The following COX10 variants were observed in gnomAD, a reference collection of about 807,000 sequenced individuals.
COX10 encodes the protein protoheme IX farnesyltransferase, mitochondrial.
In COX10, 27 loss-of-function variants were observed where a neutral mutation model predicts 37.3. The observed-to-expected ratio is 0.72, with a 90% CI of 0.53 to 1.00. The LOEUF is 1.00. COX10 is among the 50% of genes least tolerant of loss of function. The probability of loss-of-function intolerance (pLI) is 0.00; values close to 1 mark genes in which losing one functional copy is unlikely to be tolerated. For missense variants in COX10, 475 were observed against 563.2 expected, an observed-to-expected ratio of 0.84 and a Z score of 1.59; for synonymous variants, 222 against 229.1, an observed-to-expected ratio of 0.97 and a Z score of 0.28.
chr17:14,187,231 T>C (rs1297112188), intron 5 of COX10, among the ~76,000 whole-genome samples: 4 of 151,924 alleles, frequency 2.6e-5, no homozygotes, highest in African/African-American at 9.7e-5. Context: ...CATCTAGGAA[T>C]TTATCTTCGG....
chr17:14,077,784 A>C (rs1231042279), intron 3 of COX10, among the ~76,000 whole-genome samples: 1 of 152,218 alleles, frequency 6.6e-6, no homozygotes, highest in African/African-American at 2.4e-5. Context: ...ATGAGAATAA[A>C]GAGACTGAAT....
chr17:14,194,988 A>G (rs1352527328), intron 6 of COX10, among the ~76,000 whole-genome samples: 3 of 152,230 alleles, frequency 2.0e-5, no homozygotes, highest in Non-Finnish European at 2.9e-5. Flanking sequence ...ATTACAGTGT[A>G]TCCTTTTACT....
intron 3 of COX10, among the ~76,000 whole-genome samples, chr17:14,080,857 G>A (rs552752468): frequency 7.9e-5 from 12 of 151,048 alleles, no homozygotes; most frequent in African/African-American, 2.9e-4. Flanking sequence ...GGAGATTTTT[G>A]ACTTTTATGT....
At chr17:14,135,990 A>G (rs1444607999) in intron 4 of COX10, among the ~76,000 whole-genome samples, 2 of 151,986 alleles carry the variant, frequency 1.3e-5, no homozygotes, top group Non-Finnish European at 2.9e-5. Context: ...TGACAAAAGA[A>G]ATTAAAAATA....
At chr17:14,179,922 A>G (rs1436240726) in intron 5 of COX10, among the ~76,000 whole-genome samples, 2 of 152,186 alleles carry the variant, frequency 1.3e-5, no homozygotes, top group Admixed American at 6.5e-5. Flanking sequence ...GGGTCAGTCA[A>G]TACCTGGTTT....
chr17:14,089,443 A>G (rs1226865692), intron 3 of COX10, among the ~76,000 whole-genome samples: 1 of 152,194 alleles, frequency 6.6e-6, no homozygotes, highest in East Asian at 1.9e-4. Context: ...GGGTTGGGTT[A>G]TATGTAGTCA....
Position 14,207,143 on chromosome 17 carries a change from T to A in COX10, c.1262T>A (p.Leu421Gln), listed in dbSNP as rs149968861. The A allele has an allele frequency of 6.2e-7, 1 of 1,612,244 alleles. No homozygotes were observed. ...LFFCSLWHLP[L>Q]LLLLMLTCKR... ...TTCTGCAGCCTGTGGCACCTGCCGCTGCTGCTGCTGCTCATGCTCACCTGC... is the reference window on the plus strand; with the variant it reads ...TTCTGCAGCCTGTGGCACCTGCCGCAGCTGCTGCTGCTCATGCTCACCTGC... Residue 421 changes from leucine (L) to glutamine (Q), a missense_variant, in exon 7 of 7, where the codon CTG becomes CAG. Leu to Gln is a moderately radical substitution (Grantham distance 113, BLOSUM62 -2). Transcript: ENST00000261643.
intron 5 of COX10, among the ~76,000 whole-genome samples, chr17:14,176,345 A>G (rs184338525): frequency 3.3e-5 from 5 of 152,314 alleles, no homozygotes; most frequent in Non-Finnish European, 5.9e-5. Context: ...TCCCCTGTTC[A>G]GTCAAATCCT....
intron 4 of COX10, among the ~76,000 whole-genome samples, chr17:14,140,848 T>C (rs1177790288): frequency 6.6e-6 from 1 of 152,198 alleles, no homozygotes; most frequent in African/African-American, 2.4e-5. Context: ...GAATCTTGAC[T>C]TGTGGTAATC....
chr17:14,098,387 T>C (rs1486368307), intron 3 of COX10, among the ~76,000 whole-genome samples: 1 of 152,138 alleles, frequency 6.6e-6, no homozygotes. Context: ...TAAGGATTTT[T>C]CTTCTAGTCC....
At chr17:14,184,803 A>C (rs1905979375) in intron 5 of COX10, among the ~76,000 whole-genome samples, 1 of 151,590 alleles carries the variant, frequency 6.6e-6, no homozygotes, top group African/African-American at 2.4e-5. Context: ...ATGTTGGCTC[A>C]GCGTATGTAG....
intron 5 of COX10, among the ~76,000 whole-genome samples, chr17:14,166,008 T>C (rs1374776026): frequency 3.3e-5 from 5 of 152,164 alleles, no homozygotes; most frequent in African/African-American, 1.2e-4. Flanking sequence ...CTGACAGGGA[T>C]TGGTTCATGA....
chr17:14,096,679 TTTTG>T (rs1915661963), intron 3 of COX10, among the ~76,000 whole-genome samples: 4 of 151,854 alleles, frequency 2.6e-5, no homozygotes, highest in Non-Finnish European at 5.9e-5. Flanking sequence ...AAAAAAATTT[TTTTG>T]TTTTGTTTTG....
intron 4 of COX10, among the ~76,000 whole-genome samples, chr17:14,150,268 T>A (rs1363868661): frequency 6.6e-6 from 1 of 150,976 alleles, no homozygotes; most frequent in Non-Finnish European, 1.5e-5. Context: ...TAAAACCCTG[T>A]CTCAAAAAAA....
chr17:14,181,979 G>A (rs962433361), intron 5 of COX10: 2 of 982,368 alleles, frequency 2.0e-6, no homozygotes, highest in African/African-American at 1.8e-5. Context: ...TCAGCAATGA[G>A]GGAGATTCAT....
intron 4 of COX10, among the ~76,000 whole-genome samples, chr17:14,135,914 T>C (rs1009640680): frequency 7.9e-5 from 12 of 151,994 alleles, no homozygotes; most frequent in Non-Finnish European, 1.5e-4. Context: ...TCAATAGTTG[T>C]GTTTCATCAA....
rs577944753 is a variant in COX10, at chr17:14,120,965, C to A, written c.624+18723C>A. On this transcript the variant is annotated intron_variant, in intron 4 of 6. Transcript: ENST00000261643. ...CAGGCATTGGTTATGTTTTCCTTCT[C>A]CACTTTCTTTCCTGACATTTTCATC... 2.6e-5 allele frequency among the ~76,000 whole-genome samples: 4 copies of A among 152,212 alleles called. No individual in the cohort carries two copies. The South Asian group carries it at 8.3e-4, about 32-fold the overall frequency.
intron 4 of COX10, among the ~76,000 whole-genome samples, chr17:14,110,297 C>T (rs1189334985): frequency 6.6e-6 from 1 of 152,002 alleles, no homozygotes. Flanking sequence ...ATGAATTCTT[C>T]ATATTTGGAT....
chr17:14,071,063 T>G (rs1034245731), intron 1 of COX10, among the ~76,000 whole-genome samples: 12 of 152,220 alleles, frequency 7.9e-5, no homozygotes, highest in African/African-American at 2.9e-4. Flanking sequence ...TTTGAATCAC[T>G]TCTTTGTTAC....
Sources: allele counts gnomAD v4.1 joint callset (sites outside exome capture counted in the v4.1 genomes callset), GRCh38; gene constraint gnomAD v4.1.1; transcripts MANE v1.5; gene names NCBI Gene and HGNC (gene_info 2026-07-23, HGNC 2026-07-21).